Variants in ANKRD55 observed in about 807,000 individuals in gnomAD.
ANKRD55 encodes ankyrin repeat domain 55.
Under a neutral mutation model 60.6 loss-of-function variants are expected in ANKRD55, and 41 were observed. That is an observed-to-expected ratio of 0.68 (90% CI 0.53 to 0.88). The LOEUF (loss-of-function observed/expected upper bound fraction) is 0.88. Among genes scored for constraint, ANKRD55 ranks in the 40% least tolerant of loss-of-function variants. ANKRD55 has a pLI of 0.00. For synonymous variants in ANKRD55, 264 were observed against 290.3 expected (o/e 0.91, Z 0.92); for missense variants, 732 against 767.6 (o/e 0.95, Z 0.55).
chr5:56,101,714 TTTATA>T, intron 11 of ANKRD55, among the ~76,000 whole-genome samples: 1 of 152,210 alleles, frequency 6.6e-6, no homozygotes, highest in Non-Finnish European at 1.5e-5. Context: ...ATATTAATAT[TTTATA>T]TTAGGAGAAT....
intron 2 of ANKRD55, among the ~76,000 whole-genome samples, chr5:56,231,248 G>C (rs1425915841): frequency 6.6e-6 from 1 of 152,186 alleles, no homozygotes; most frequent in Admixed American, 6.5e-5. Context: ...GAGAGAATCC[G>C]GCCCAGGTGG....
At chr5:56,161,593 G>C (rs1178695745) in intron 5 of ANKRD55, among the ~76,000 whole-genome samples, 4 of 152,214 alleles carry the variant, frequency 2.6e-5, no homozygotes, top group Admixed American at 6.5e-5. Context: ...CGGTGGAGGT[G>C]AAATAACCAG....
At chr5:56,175,941 G>C (rs1758727116) in intron 4 of ANKRD55, among the ~76,000 whole-genome samples, 2 of 152,164 alleles carry the variant, frequency 1.3e-5, no homozygotes, top group African/African-American at 4.8e-5. Context: ...CTATCTTAGA[G>C]GATTGTTAGG....
chr5:56,130,908 A>C (rs1252272994), intron 7 of ANKRD55, among the ~76,000 whole-genome samples: 1 of 152,218 alleles, frequency 6.6e-6, no homozygotes, highest in East Asian at 1.9e-4. Flanking sequence ...GCGCTTGAGA[A>C]GATCTCAATG....
chr5:56,117,885 G>A (rs534045042), intron 8 of ANKRD55, among the ~76,000 whole-genome samples: 18 of 152,068 alleles, frequency 1.2e-4, no homozygotes, highest in African/African-American at 4.3e-4. Context: ...GCTCACGCCT[G>A]TAATTCTGGC....
rs1275482968 is a variant in ANKRD55, at chr5:56,208,946, GT to G, written c.58+23909del. Reference sequence around the variant, plus strand: ...ATGAGGTACATGACTGTATAGTTTTGTTTTTTGCTCTTTTTCACTTTTTTTT... The same window carrying G: ...ATGAGGTACATGACTGTATAGTTTTGTTTTTGCTCTTTTTCACTTTTTTTT... On this transcript the variant is annotated intron_variant, in intron 2 of 11. Transcript: ENST00000341048. Among the ~76,000 whole-genome samples the G allele has an allele frequency of 7.5e-5, 11 of 147,286 alleles. No individual in the cohort carries two copies. In the East Asian group the frequency reaches 2.1e-3, roughly 29 times the overall value.
chr5:56,116,509 A>G (rs1175962787), intron 9 of ANKRD55, 106 bp downstream of exon 9: 7 of 918,192 alleles, frequency 7.6e-6, no homozygotes, highest in African/African-American at 1.8e-5. Flanking sequence ...TTATAAAAGT[A>G]TAATAATATT....
intron 8 of ANKRD55, among the ~76,000 whole-genome samples, chr5:56,121,650 A>C (rs201695273): frequency 6.6e-6 from 1 of 152,086 alleles, no homozygotes; most frequent in East Asian, 1.9e-4. Context: ...GGATTACAGG[A>C]GTGAGCCACC....
At chr5:56,135,494 C>T (rs1347682334) in intron 7 of ANKRD55, among the ~76,000 whole-genome samples, 2 of 151,806 alleles carry the variant, frequency 1.3e-5, no homozygotes, top group African/African-American at 2.4e-5. Flanking sequence ...CTCAGCCTCC[C>T]GTGTAGCTGG....
At chr5:56,184,893 TAA>T (rs879591183) in intron 2 of ANKRD55, among the ~76,000 whole-genome samples, 18 of 139,506 alleles carry the variant, frequency 1.3e-4, no homozygotes, top group Admixed American at 2.1e-4. Context: ...GACCTTGTCT[TAA>T]AAAAAAAAAA....
intron 7 of ANKRD55, among the ~76,000 whole-genome samples, chr5:56,133,035 G>T (rs1757465692): frequency 6.6e-6 from 1 of 152,206 alleles, no homozygotes; most frequent in African/African-American, 2.4e-5. Flanking sequence ...TGATAAAGCT[G>T]CAAGAAGAAA....
At chr5:56,170,669 G>C in intron 5 of ANKRD55, 25 bp downstream of exon 5, 3 of 1,590,020 alleles carry the variant, frequency 1.9e-6, no homozygotes, top group Non-Finnish European at 2.6e-6. Flanking sequence ...CCCAACTTGA[G>C]CATCATGTAA....
intron 2 of ANKRD55, among the ~76,000 whole-genome samples, chr5:56,214,948 G>A (rs1462099538): frequency 6.6e-6 from 1 of 152,150 alleles, no homozygotes; most frequent in Admixed American, 6.5e-5. Flanking sequence ...TGAATTTCAG[G>A]TGCACCTCTT....
At chr5:56,117,960 AG>A (rs1474785745) in intron 8 of ANKRD55, among the ~76,000 whole-genome samples, 3 of 152,102 alleles carry the variant, frequency 2.0e-5, no homozygotes, top group Admixed American at 2.0e-4. Context: ...CTGGCCAACA[AG>A]GCAAAACACT....
intron 7 of ANKRD55, among the ~76,000 whole-genome samples, chr5:56,135,795 CTATG>C (rs1238155285): frequency 1.3e-5 from 2 of 152,196 alleles, no homozygotes; most frequent in East Asian, 3.9e-4. Flanking sequence ...ACATGACTAT[CTATG>C]TATAAAATCT....
At chr5:56,127,194 A>G (rs1757289346) in intron 7 of ANKRD55, 88 bp from the exon 8 acceptor site, 1 of 1,348,438 alleles carries the variant, frequency 7.4e-7, no homozygotes, top group Non-Finnish European at 9.6e-7. Context: ...ACAAAGGAAA[A>G]AAAGGAAAGA....
chr5:56,157,050 TA>T (rs1758208906), intron 6 of ANKRD55: 2 of 152,662 alleles, frequency 1.3e-5, no homozygotes, highest in Admixed American at 6.5e-5. Flanking sequence ...TAGAAAGAAG[TA>T]AACATAAGAG....
rs1044336091 is a variant in ANKRD55, at chr5:56,176,198, A to G, written c.266T>C (p.Met89Thr). The change falls in exon 4 of 12, where the codon ATG (methionine) becomes ACG (threonine). Residue 89 changes from methionine (M) to threonine (T), a missense_variant. By Grantham distance (81) the Met-to-Thr change is moderately conservative (BLOSUM62 -1). Transcript: ENST00000341048. ...LLLKMGANIN[M>T]QDAYGRTSLC... ...ACTTGTGCGGCCATAAGCATCCTGC[A>G]TGTTAATATTGGCTCCCATCTTCAA... The G allele has an allele frequency of 4.3e-6, 7 of 1,614,080 alleles. No homozygotes were observed. The highest frequency in any genetic ancestry group is 5.9e-6 in the Non-Finnish European group (7 of 1,180,048).
chr5:56,100,368 A>C, intron 11 of ANKRD55, 64 bp from the exon 12 acceptor site: 1 of 1,599,132 alleles, frequency 6.3e-7, no homozygotes, highest in Admixed American at 1.7e-5. Flanking sequence ...AGGCGGCAGG[A>C]GAATTGTATT....
Sources: allele counts gnomAD v4.1 joint callset (sites outside exome capture counted in the v4.1 genomes callset), GRCh38; gene constraint gnomAD v4.1.1; transcripts MANE v1.5; gene names NCBI Gene and HGNC (gene_info 2026-07-23, HGNC 2026-07-21).